FBXL2: variants seen among roughly 807,000 people sequenced by gnomAD.
FBXL2 encodes the protein F-box and leucine rich repeat protein 2.
Under a neutral mutation model 69.2 loss-of-function variants are expected in FBXL2, and 38 were observed. The ratio of observed to expected loss-of-function variants is 0.55; its 90% CI spans 0.42 to 0.72. The LOEUF (loss-of-function observed/expected upper bound fraction) is 0.72, where lower values mean the gene tolerates loss of function less well. FBXL2 is among the 30% of genes least tolerant of loss of function. The pLI is 0.00. For synonymous variants in FBXL2, 192 were observed against 201.3 expected (o/e 0.95, Z 0.39); for missense variants, 354 against 520.3 (o/e 0.68, Z 3.11).
At chr3:33,347,706 A>G (rs904339167) in intron 2 of FBXL2, among the ~76,000 whole-genome samples, 2 of 152,060 alleles carry the variant, frequency 1.3e-5, no homozygotes, top group Admixed American at 1.3e-4. Flanking sequence ...TTTTGGATAT[A>G]AGTCATTTTA....
intron 5 of FBXL2, among the ~76,000 whole-genome samples, chr3:33,370,144 G>A (rs2042196924): frequency 6.6e-6 from 1 of 152,084 alleles, no homozygotes; most frequent in African/African-American, 2.4e-5. Context: ...GCCAGGTGCA[G>A]TGGCTCACGC....
chr3:33,312,588 G>A (rs1353962203), intron 2 of FBXL2, among the ~76,000 whole-genome samples: 1 of 152,122 alleles, frequency 6.6e-6, no homozygotes, highest in African/African-American at 2.4e-5. Flanking sequence ...TTCTGGGAAG[G>A]CTATCTGGCT....
chr3:33,292,678 T>C (rs535611553), intron 1 of FBXL2, among the ~76,000 whole-genome samples: 1 of 152,082 alleles, frequency 6.6e-6, no homozygotes, highest in East Asian at 1.9e-4. Context: ...GTAATTACTA[T>C]AAGTACAAAA....
intron 1 of FBXL2, among the ~76,000 whole-genome samples, chr3:33,287,833 A>G (rs2034807580): frequency 6.6e-6 from 1 of 152,194 alleles, no homozygotes; most frequent in Admixed American, 6.5e-5. Flanking sequence ...AAATGTACTA[A>G]TTACACCAAG....
chr3:33,392,553 T>C, downstream of FBXL2: 4 of 1,609,092 alleles, frequency 2.5e-6, no homozygotes, highest in Non-Finnish European at 3.4e-6. Flanking sequence ...CACACACACA[T>C]GCAAAGTACC....
At chr3:33,392,718 A>C, downstream of FBXL2, 2 of 1,067,390 alleles carry the variant, frequency 1.9e-6, no homozygotes, top group Non-Finnish European at 2.7e-6. Flanking sequence ...CACAGGACTC[A>C]ATGGCCAAAA....
At chr3:33,362,326 T>C (rs1290513373) in intron 4 of FBXL2, among the ~76,000 whole-genome samples, 1 of 152,238 alleles carries the variant, frequency 6.6e-6, no homozygotes, top group Non-Finnish European at 1.5e-5. Context: ...AACTAAGTAG[T>C]GTGTGAATCT....
At chr3:33,369,774 G>A (rs559660803) in intron 5 of FBXL2, among the ~76,000 whole-genome samples, 34 of 152,132 alleles carry the variant, frequency 2.2e-4, no homozygotes, top group Middle Eastern at 6.8e-3. Context: ...CACCCCGCCC[G>A]GCTAATTTTT....
intron 2 of FBXL2, among the ~76,000 whole-genome samples, chr3:33,335,729 G>T (rs2039524548): frequency 6.6e-6 from 1 of 152,134 alleles, no homozygotes; most frequent in Non-Finnish European, 1.5e-5. Flanking sequence ...GGAACAAAAA[G>T]TAGATGGGAC....
chr3:33,280,514 G>C (rs1310568541), intron 1 of FBXL2, among the ~76,000 whole-genome samples: 1 of 152,062 alleles, frequency 6.6e-6, no homozygotes, highest in African/African-American at 2.4e-5. Flanking sequence ...TTCAAGACCA[G>C]TCTGGGCAAC....
intron 2 of FBXL2, among the ~76,000 whole-genome samples, chr3:33,314,957 A>G (rs1026142515): frequency 1.3e-5 from 2 of 152,234 alleles, no homozygotes; most frequent in Non-Finnish European, 2.9e-5. Flanking sequence ...TTGTTCTTAC[A>G]TGTGAAAATG....
At chr3:33,346,533 T>C (rs2040451082) in intron 2 of FBXL2, among the ~76,000 whole-genome samples, 1 of 152,090 alleles carries the variant, frequency 6.6e-6, no homozygotes, top group Admixed American at 6.6e-5. Context: ...TACTCCATCC[T>C]GGGTGACATA....
chr3:33,416,740 A>G, the FBXL2 span: 1 of 1,585,144 alleles, frequency 6.3e-7, no homozygotes, highest in Non-Finnish European at 8.6e-7. Flanking sequence ...ATTGGGAATT[A>G]AAATGGACTG....
chr3:33,416,911 T>C, the FBXL2 span: 16 of 1,255,462 alleles, frequency 1.3e-5, no homozygotes, highest in African/African-American at 2.4e-4. Flanking sequence ...AAAATGCATG[T>C]TTCTCAGAAC....
chr3:33,331,374 T>A, intron 2 of FBXL2, among the ~76,000 whole-genome samples: 1 of 152,092 alleles, frequency 6.6e-6, no homozygotes, highest in African/African-American at 2.4e-5. Context: ...CTGTAATGGC[T>A]AGTGGCCCTC....
chr3:33,408,097 G>A (rs1389241271), downstream of FBXL2, among the ~76,000 whole-genome samples: 1 of 152,000 alleles, frequency 6.6e-6, no homozygotes, highest in Non-Finnish European at 1.5e-5. Flanking sequence ...CTGCCAAGAA[G>A]AAACATGAAT....
chr3:33,321,463 G>A (rs757719128), intron 2 of FBXL2, among the ~76,000 whole-genome samples: 6 of 152,142 alleles, frequency 3.9e-5, no homozygotes, highest in Non-Finnish European at 8.8e-5. Flanking sequence ...TCAAAATAAA[G>A]ATTACAAGTG....
At chr3:33,381,287 C>T (rs1264129113) in intron 13 of FBXL2, among the ~76,000 whole-genome samples, 1 of 152,196 alleles carries the variant, frequency 6.6e-6, no homozygotes, top group African/African-American at 2.4e-5. Flanking sequence ...ACACCATCTC[C>T]ATCATCTTTC....
chr3:33,323,607 G>T (rs2038420541), intron 2 of FBXL2, among the ~76,000 whole-genome samples: 1 of 152,104 alleles, frequency 6.6e-6, no homozygotes, highest in South Asian at 2.1e-4. Context: ...ATGGTTTCCA[G>T]CTTCATCCAT....
Sources: gnomAD v4.1 joint callset for allele counts (sites outside exome capture counted in the v4.1 genomes callset) on GRCh38, gnomAD v4.1.1 for gene constraint, MANE v1.5 for transcripts, NCBI Gene and HGNC (gene_info 2026-07-23, HGNC 2026-07-21) for gene names.